Variants in ARHGAP31 observed in about 807,000 individuals in gnomAD.
The protein encoded by ARHGAP31 is rho GTPase-activating protein 31.
Under a neutral mutation model 113.9 loss-of-function variants are expected in ARHGAP31, and 34 were observed. That is an observed-to-expected ratio of 0.30 (90% confidence interval 0.23 to 0.40). The LOEUF (loss-of-function observed/expected upper bound fraction) is 0.40, where lower values mean the gene tolerates loss of function less well. Ranked by LOEUF, ARHGAP31 falls within the 10% of genes least tolerant of loss-of-function variation. The probability of loss-of-function intolerance (pLI) is 1.00; values close to 1 mark genes in which losing one functional copy is unlikely to be tolerated. For synonymous variants in ARHGAP31, 650 were observed against 684.8 expected, an observed-to-expected ratio of 0.95 and a Z score of 0.79; for missense variants, 1,548 against 1,767.1, an observed-to-expected ratio of 0.88 and a Z score of 2.22.
intron 1 of ARHGAP31, among the ~76,000 whole-genome samples, chr3:119,349,666 C>A (rs111404614): frequency 0.018 from 2,786 of 152,282 alleles, 50 homozygotes; most frequent in East Asian, 0.06. Flanking sequence ...TTCCTGGAGT[C>A]CTGATAACAA....
chr3:119,405,120 T>C (rs2080648300), intron 10 of ARHGAP31, among the ~76,000 whole-genome samples: 1 of 152,168 alleles, frequency 6.6e-6, no homozygotes, highest in South Asian at 2.1e-4. Context: ...ACAATAGAAT[T>C]CTCTTAGTTC....
At chr3:119,337,342 T>C (rs1187770017) in intron 1 of ARHGAP31, among the ~76,000 whole-genome samples, 1 of 152,184 alleles carries the variant, frequency 6.6e-6, no homozygotes, top group Non-Finnish European at 1.5e-5. Flanking sequence ...TCCAGAGTTG[T>C]TCTTTCCTCC....
At chr3:119,351,352 G>A (rs1465113527) in intron 1 of ARHGAP31, among the ~76,000 whole-genome samples, 2 of 152,058 alleles carry the variant, frequency 1.3e-5, no homozygotes, top group Non-Finnish European at 2.9e-5. Context: ...CTCATTCTTG[G>A]TCTGTGACTT....
chr3:119,417,365 C>T lies in ARHGAP31; in HGVS notation c.*1101C>T, dbSNP rs2080787522. ...AGCCCTAGCAGGGCGGCCATCACAA[C>T]CACTCACTGAGAGTTGCCCTTCTTA... On this transcript the variant is annotated 3_prime_UTR_variant, in exon 12 of 12. Transcript: ENST00000264245. 6.6e-6 allele frequency: 1 copy of T among 152,288 alleles called. No individual in the cohort carries two copies. The highest frequency in any genetic ancestry group is 2.4e-5 in the African/African-American group (1 of 41,438). 9.4% of individuals were successfully genotyped at this position (152,288 alleles called of 1,614,324 possible). A position where few individuals can be genotyped will look rare whatever the true frequency, so the allele number is the denominator to read the frequency against.
chr3:119,298,919 G>T, intron 1 of ARHGAP31: 1 of 236,856 alleles, frequency 4.2e-6, no homozygotes, highest in South Asian at 6.6e-5. Context: ...AGGTAGTCAG[G>T]AATTGATCTC....
At chr3:119,388,306 TTTTATA>T (rs1202125925) in intron 6 of ARHGAP31, among the ~76,000 whole-genome samples, 1,789 of 43,902 alleles carry the variant, frequency 0.041, 76 homozygotes, top group African/African-American at 0.18. Context: ...TATGTATAAT[TTTTATA>T]TATATATATA....
chr3:119,316,095 G>A (rs1449826303), intron 1 of ARHGAP31, among the ~76,000 whole-genome samples: 3 of 152,168 alleles, frequency 2.0e-5, no homozygotes, highest in Non-Finnish European at 2.9e-5. Context: ...CACAGCAGGC[G>A]TGTTTAAAAC....
At chr3:119,413,211 G>A (rs998225179) in intron 11 of ARHGAP31, among the ~76,000 whole-genome samples, 1 of 151,654 alleles carries the variant, frequency 6.6e-6, no homozygotes, top group African/African-American at 2.4e-5. Context: ...CAGCTACTTG[G>A]GAGGCTGAGG....
intron 1 of ARHGAP31, among the ~76,000 whole-genome samples, chr3:119,323,073 G>C (rs923994871): frequency 6.6e-6 from 1 of 152,236 alleles, no homozygotes; most frequent in Non-Finnish European, 1.5e-5. Context: ...AAAGACGGTG[G>C]CGCTGACTCT....
At chr3:119,322,365 C>T (rs1347539417) in intron 1 of ARHGAP31, among the ~76,000 whole-genome samples, 1 of 152,202 alleles carries the variant, frequency 6.6e-6, no homozygotes, top group Non-Finnish European at 1.5e-5. Context: ...AGCGTCTAAC[C>T]CACAGTGACA....
At chr3:119,393,118 A>G (rs893984504) in intron 7 of ARHGAP31, among the ~76,000 whole-genome samples, 4 of 152,204 alleles carry the variant, frequency 2.6e-5, no homozygotes, top group African/African-American at 9.6e-5. Context: ...TTGAAATTCC[A>G]GAACAAAAGT....
chr3:119,363,865 G>A (rs1050666446), intron 1 of ARHGAP31, among the ~76,000 whole-genome samples: 3 of 152,154 alleles, frequency 2.0e-5, no homozygotes, highest in African/African-American at 4.8e-5. Context: ...CATCACTGTG[G>A]CAGCCTCGAG....
intron 8 of ARHGAP31, among the ~76,000 whole-genome samples, chr3:119,394,281 A>C (rs1443817975): frequency 6.6e-6 from 1 of 152,202 alleles, no homozygotes; most frequent in Non-Finnish European, 1.5e-5. Flanking sequence ...CTTGGATGTA[A>C]CAATTATTCC....
chr3:119,354,887 A>ATT (rs566017750), intron 1 of ARHGAP31, among the ~76,000 whole-genome samples: 1 of 148,992 alleles, frequency 6.7e-6, no homozygotes, highest in African/African-American at 2.5e-5. Context: ...CTTTTTTGCT[A>ATT]TTTTTTTTTC....
At chr3:119,370,542 G>A (rs772864978) in intron 3 of ARHGAP31, among the ~76,000 whole-genome samples, 4 of 152,146 alleles carry the variant, frequency 2.6e-5, no homozygotes, top group Non-Finnish European at 5.9e-5. Context: ...AGATCGAACA[G>A]ATATTAACTA....
At chr3:119,336,285 G>A (rs1050001400) in intron 1 of ARHGAP31, among the ~76,000 whole-genome samples, 3 of 152,092 alleles carry the variant, frequency 2.0e-5, no homozygotes, top group Admixed American at 1.3e-4. Context: ...CCTAAAATGG[G>A]TATCACTTTA....
rs116310935 is a variant in ARHGAP31, at chr3:119,326,535, C to T, written c.100+31531C>T. ...TGAGACAGAGGCCTAGAAGTGGAAA[C>T]GTCCAAGATATGTTTCAGGGGACCC... On this transcript the variant is annotated intron_variant, in intron 1 of 11. Coordinates refer to ENST00000264245, the MANE Select transcript of ARHGAP31 (RefSeq NM_020754.4). Among the ~76,000 whole-genome samples, 1,175 of 152,284 alleles carry T rather than the reference C, an allele frequency of 7.7e-3. 11 individuals are homozygous for T. The highest frequency in any genetic ancestry group is 0.026 in the African/African-American group (1,064 of 41,546).
intron 1 of ARHGAP31, among the ~76,000 whole-genome samples, chr3:119,298,070 T>C (rs1039658909): frequency 2.0e-5 from 3 of 152,088 alleles, no homozygotes; most frequent in African/African-American, 7.2e-5. Flanking sequence ...TTTGACCACT[T>C]TTCTCTAACT....
intron 1 of ARHGAP31, among the ~76,000 whole-genome samples, chr3:119,353,771 G>A (rs1192945070): frequency 8.3e-6 from 1 of 120,766 alleles, no homozygotes; most frequent in Admixed American, 1.0e-4. Context: ...CTGGGTGACA[G>A]AGCAAGACTC....
Sources: allele counts gnomAD v4.1 joint callset (sites outside exome capture counted in the v4.1 genomes callset), GRCh38; gene constraint gnomAD v4.1.1; transcripts MANE v1.5; gene names NCBI Gene and HGNC (gene_info 2026-07-23, HGNC 2026-07-21).